The following B3GLCT variants were observed in gnomAD, a reference collection of about 807,000 sequenced individuals.
B3GLCT encodes the protein beta-1,3-glucosyltransferase.
B3GLCT carries 65 observed loss-of-function variants against 63.4 expected under a neutral mutation model. The observed-to-expected ratio is 1.03, with a 90% CI of 0.84 to 1.26. B3GLCT has a LOEUF of 1.26. B3GLCT is among the 50% of genes most tolerant of loss of function. The pLI is 0.00. For synonymous variants in B3GLCT, 233 were observed against 219.2 expected (o/e 1.06, Z -0.55); for missense variants, 577 against 604.8 (o/e 0.95, Z 0.48).
At chr13:31,208,626 C>CCG (rs540913569) in intron 1 of B3GLCT, among the ~76,000 whole-genome samples, 1 of 101,030 alleles carries the variant, frequency 9.9e-6, no homozygotes, top group Non-Finnish European at 1.7e-5. Flanking sequence ...GTGGCCCCCC[C>CCG]CCCCCGCTCA....
intron 1 of B3GLCT, among the ~76,000 whole-genome samples, chr13:31,209,406 C>T (rs1418312344): frequency 6.6e-6 from 1 of 152,182 alleles, no homozygotes; most frequent in Non-Finnish European, 1.5e-5. Flanking sequence ...GAAAGCTCCA[C>T]GGAGAGGCAG....
intron 1 of B3GLCT, among the ~76,000 whole-genome samples, chr13:31,212,269 T>A (rs1195647039): frequency 3.8e-5 from 3 of 77,960 alleles, no homozygotes; most frequent in East Asian, 6.5e-4. Flanking sequence ...ATAACTGGCT[T>A]TTTTTTTTTT....
chr13:31,320,863 T>C (rs570913347), intron 13 of B3GLCT, among the ~76,000 whole-genome samples: 1 of 152,352 alleles, frequency 6.6e-6, no homozygotes, highest in South Asian at 2.1e-4. Flanking sequence ...TTTCTGCCTG[T>C]CTAGTTCCTC....
intron 8 of B3GLCT, among the ~76,000 whole-genome samples, chr13:31,270,035 C>T (rs1009981795): frequency 1.3e-5 from 2 of 152,132 alleles, no homozygotes; most frequent in African/African-American, 4.8e-5. Flanking sequence ...GCCTATTGGT[C>T]CCAAGCAGGC....
At chr13:31,231,670 C>T (rs1025819534) in intron 4 of B3GLCT, among the ~76,000 whole-genome samples, 5 of 152,194 alleles carry the variant, frequency 3.3e-5, no homozygotes, top group Non-Finnish European at 7.3e-5. Context: ...AGAGCACCTT[C>T]GAGCAGGGCA....
intron 4 of B3GLCT, among the ~76,000 whole-genome samples, chr13:31,242,155 C>G (rs1418207808): frequency 2.0e-5 from 3 of 151,600 alleles, no homozygotes; most frequent in Non-Finnish European, 4.4e-5. Flanking sequence ...TGAGGGGATC[C>G]AAAGCCTATT....
At chr13:31,290,802 C>T (rs1873616281) in intron 12 of B3GLCT, among the ~76,000 whole-genome samples, 1 of 152,126 alleles carries the variant, frequency 6.6e-6, no homozygotes, top group Non-Finnish European at 1.5e-5. Context: ...TTCTCCCATT[C>T]TGTAGGTTGC....
At chr13:31,285,371 C>T (rs1296047328) in intron 11 of B3GLCT, among the ~76,000 whole-genome samples, 3 of 151,980 alleles carry the variant, frequency 2.0e-5, no homozygotes, top group Non-Finnish European at 2.9e-5. Context: ...AGACACTCTT[C>T]GGGTGATGGC....
At chr13:31,239,969 C>T (rs963258741) in intron 4 of B3GLCT, among the ~76,000 whole-genome samples, 4 of 151,970 alleles carry the variant, frequency 2.6e-5, no homozygotes, top group Admixed American at 2.6e-4. Context: ...TCTTGCTTGC[C>T]CAGGGAATCA....
intron 4 of B3GLCT, among the ~76,000 whole-genome samples, chr13:31,241,801 AG>A (rs1870954974): frequency 6.6e-6 from 1 of 152,182 alleles, no homozygotes; most frequent in South Asian, 2.1e-4. Flanking sequence ...ACTGGATATT[AG>A]GGAATGGATG....
intron 2 of B3GLCT, among the ~76,000 whole-genome samples, chr13:31,222,107 CT>C (rs1258680375): frequency 8.4e-6 from 1 of 119,022 alleles, no homozygotes; most frequent in Non-Finnish European, 1.6e-5. Context: ...GATATGGAGT[CT>C]TGCTCTGTTG....
Position 31,284,758 on chromosome 13 carries a change from A to G in B3GLCT, c.961A>G (p.Arg321Gly). 1 of 1,471,792 alleles carries G rather than the reference A, an allele frequency of 6.8e-7. No individual in the cohort carries two copies. The highest frequency in any genetic ancestry group is 9.5e-7 in the Non-Finnish European group (1 of 1,050,260). The allele number at this position is 1,471,792 out of a possible 1,614,324, so 91.2% of individuals were successfully genotyped here. Residue 321 changes from arginine (R) to glycine (G), a missense_variant, in exon 11 of 15, where the codon AGA becomes GGA. By Grantham distance (125) the Arg-to-Gly change is moderately radical. Transcript: ENST00000343307. ...TVDLGIPNTD[R>G]GHCGKTFAIL... ...GGATTTGGGAATTCCTAATACAGAT[A>G]GAGGTGAGTCATAATTCTTACTACT...
intron 7 of B3GLCT, among the ~76,000 whole-genome samples, chr13:31,262,575 G>A (rs114408017): frequency 2.2e-4 from 32 of 145,398 alleles, no homozygotes; most frequent in African/African-American, 6.2e-4. Context: ...GCCTTGGGTC[G>A]TGTTTCTTCT....
intron 8 of B3GLCT, among the ~76,000 whole-genome samples, chr13:31,270,330 T>C (rs1326737591): frequency 6.6e-6 from 1 of 152,182 alleles, no homozygotes; most frequent in African/African-American, 2.4e-5. Flanking sequence ...CACAAGACTT[T>C]CTGACTTCTC....
chr13:31,260,888 A>G (rs760566733), intron 6 of B3GLCT, 58 bp from the exon 7 acceptor site: 227 of 1,508,692 alleles, frequency 1.5e-4, no homozygotes, highest in Middle Eastern at 3.4e-4. Context: ...ACCACCTTCT[A>G]TTGGTCTTAC....
chr13:31,318,154 T>C (rs1875150171), intron 13 of B3GLCT, among the ~76,000 whole-genome samples: 1 of 152,212 alleles, frequency 6.6e-6, no homozygotes, highest in Admixed American at 6.5e-5. Context: ...ATCAGTGTTT[T>C]AAATGAAGCA....
At chr13:31,204,456 G>C (rs918901044) in intron 1 of B3GLCT, among the ~76,000 whole-genome samples, 1 of 152,178 alleles carries the variant, frequency 6.6e-6, no homozygotes, top group Admixed American at 6.5e-5. Context: ...TGTGACGTTA[G>C]AGCTCAGACC....
At chr13:31,263,193 C>CTA (rs1872127921) in intron 7 of B3GLCT, among the ~76,000 whole-genome samples, 1 of 152,204 alleles carries the variant, frequency 6.6e-6, no homozygotes, top group Admixed American at 6.5e-5. Flanking sequence ...TCCTTATAGT[C>CTA]TAGAGTTTTA....
intron 12 of B3GLCT, among the ~76,000 whole-genome samples, chr13:31,310,070 C>T (rs572389252): frequency 1.3e-5 from 2 of 152,286 alleles, no homozygotes; most frequent in East Asian, 3.9e-4. Context: ...GCTATCAGCT[C>T]AGGGTGGGGT....
Sources: gnomAD v4.1 joint callset for allele counts (sites outside exome capture counted in the v4.1 genomes callset) on GRCh38, gnomAD v4.1.1 for gene constraint, MANE v1.5 for transcripts, NCBI Gene and HGNC (gene_info 2026-07-23, HGNC 2026-07-21) for gene names.